Variants in TSNARE1 observed in about 807,000 individuals in gnomAD.
TSNARE1 encodes t-SNARE domain-containing protein 1.
A neutral mutation model predicts 62.0 loss-of-function variants in TSNARE1; 49 were observed. The observed-to-expected ratio is 0.79, with a 90% CI of 0.63 to 1.00. TSNARE1 has a LOEUF of 1.00. Among genes scored for constraint, TSNARE1 ranks in the 50% least tolerant of loss-of-function variants. The pLI, the probability that TSNARE1 is intolerant of heterozygous loss-of-function variation, is 0.00. For synonymous variants in TSNARE1, 328 were observed against 294.4 expected, an observed-to-expected ratio of 1.11 and a Z score of -1.17; for missense variants, 755 against 700.1, an observed-to-expected ratio of 1.08 and a Z score of -0.88.
chr8:142,245,031 C>G (rs771390741), intron 12 of TSNARE1, among the ~76,000 whole-genome samples: 3 of 152,378 alleles, frequency 2.0e-5, no homozygotes. Context: ...GAGGCATGAA[C>G]AGACTTTTCG....
chr8:142,379,253 A>G (rs1430807408), intron 1 of TSNARE1, among the ~76,000 whole-genome samples: 1 of 152,212 alleles, frequency 6.6e-6, no homozygotes, highest in Non-Finnish European at 1.5e-5. Context: ...TCCGTCACGG[A>G]GTAGGCACCA....
intron 12 of TSNARE1, chr8:142,271,446 CT>C: frequency 7.9e-7 from 1 of 1,259,288 alleles, no homozygotes; most frequent in Admixed American, 4.1e-5. Flanking sequence ...GTTTCAGATG[CT>C]GCCGCTGGGG....
intron 1 of TSNARE1, among the ~76,000 whole-genome samples, chr8:142,391,886 C>A (rs570842676): frequency 6.6e-6 from 1 of 152,174 alleles, no homozygotes; most frequent in Non-Finnish European, 1.5e-5. Context: ...GCTGAGTGGG[C>A]GGAACAAGCC....
intron 1 of TSNARE1, among the ~76,000 whole-genome samples, chr8:142,388,215 C>G (rs892142897): frequency 1.3e-5 from 2 of 152,002 alleles, no homozygotes; most frequent in Non-Finnish European, 2.9e-5. Flanking sequence ...AATAATGATT[C>G]TTGATTTTTT....
intron 12 of TSNARE1, among the ~76,000 whole-genome samples, chr8:142,237,160 G>GCT (rs67986030): frequency 9.3e-6 from 1 of 107,744 alleles, no homozygotes; most frequent in African/African-American, 4.1e-5. Context: ...CCCCTCCTGC[G>GCT]GCCCGACTCA....
chr8:142,225,491 T>A (rs960268227), intron 13 of TSNARE1, among the ~76,000 whole-genome samples: 8 of 147,252 alleles, frequency 5.4e-5, no homozygotes, highest in Non-Finnish European at 1.1e-4. Flanking sequence ...TCCATTTCCA[T>A]CTATCTCTCC....
At chr8:142,265,458 A>G (rs955637458) in intron 12 of TSNARE1, among the ~76,000 whole-genome samples, 3 of 152,140 alleles carry the variant, frequency 2.0e-5, no homozygotes, top group Admixed American at 2.0e-4. Context: ...GTAGAACTCC[A>G]CTGTGTGGCC....
chr8:142,270,271 C>T (rs567184658), intron 12 of TSNARE1: 40 of 985,404 alleles, frequency 4.1e-5, no homozygotes, highest in South Asian at 3.3e-4. Context: ...GATCTGAAGA[C>T]GCAGGGAAGT....
chr8:142,296,819 G>A (rs1824838139), intron 10 of TSNARE1, among the ~76,000 whole-genome samples: 1 of 152,048 alleles, frequency 6.6e-6, no homozygotes, highest in African/African-American at 2.4e-5. Context: ...TCCCCAGGAC[G>A]GGGCAGGACA....
chr8:142,281,656 G>A (rs1051921880), intron 11 of TSNARE1, among the ~76,000 whole-genome samples: 2 of 152,040 alleles, frequency 1.3e-5, no homozygotes, highest in African/African-American at 4.8e-5. Flanking sequence ...TAGACCTCAT[G>A]GTGAGGACCT....
chr8:142,286,024 T>C (rs1822684607), intron 10 of TSNARE1, among the ~76,000 whole-genome samples: 1 of 151,874 alleles, frequency 6.6e-6, no homozygotes, highest in Admixed American at 6.5e-5. Flanking sequence ...AGGGGAAGAG[T>C]TGGGATTCAG....
rs1826055991 is a variant in TSNARE1 at position 142,303,194 on chromosome 8, C to A, written c.1132-2550G>T. 3.9e-5 allele frequency among the ~76,000 whole-genome samples: 6 copies of A among 152,186 alleles called. No homozygotes were observed. In the South Asian group the frequency reaches 1.2e-3, roughly 31 times the overall value. On this transcript the variant is annotated intron_variant, in intron 9 of 13. Transcript: ENST00000524325. Reference sequence around the variant, plus strand: ...CTGCCCTTTCCCAAACTGAAAGCTGCCTCACCATGCCATGTAGCTCAGGGT... The same window carrying A: ...CTGCCCTTTCCCAAACTGAAAGCTGACTCACCATGCCATGTAGCTCAGGGT...
chr8:142,318,510 TCCTCC>T (rs1159578607), intron 7 of TSNARE1, 29 bp downstream of exon 7: 10 of 1,596,430 alleles, frequency 6.3e-6, no homozygotes, highest in Non-Finnish European at 7.7e-6. Flanking sequence ...TCCATTCCTC[TCCTCC>T]CTCCCAGCCC....
chr8:142,329,349 T>C (rs1830692408), intron 6 of TSNARE1, among the ~76,000 whole-genome samples: 1 of 152,148 alleles, frequency 6.6e-6, no homozygotes, highest in Non-Finnish European at 1.5e-5. Flanking sequence ...TGGGGTCCCC[T>C]CTCCTCTCCG....
intron 1 of TSNARE1, among the ~76,000 whole-genome samples, chr8:142,393,511 G>T (rs1313138308): frequency 6.6e-6 from 1 of 152,262 alleles, no homozygotes; most frequent in African/African-American, 2.4e-5. Context: ...CACAGGATCT[G>T]TGTATTATTT....
intron 1 of TSNARE1, among the ~76,000 whole-genome samples, chr8:142,399,774 A>C (rs1476932286): frequency 6.6e-6 from 1 of 152,248 alleles, no homozygotes; most frequent in African/African-American, 2.4e-5. Context: ...TGGACGATGC[A>C]CAAATCAGAC....
Position 142,280,263 on chromosome 8 carries a change from G to C in TSNARE1, c.1363+4150C>G, listed in dbSNP as rs1265523818. On this transcript the variant is annotated intron_variant, in intron 11 of 13. Transcript: ENST00000524325. The stretch of plus-strand genomic sequence containing the variant: ...AGCCCGGCCCGGCACCCAGCAGCAG[G>C]GCTGCCGCGGCCGGCTCGGGGCTGC... 4 of 985,214 alleles carry C rather than the reference G, an allele frequency of 4.1e-6. No individual in the cohort carries two copies. In the African/African-American group the frequency reaches 7.0e-5, roughly 17 times the overall value. The allele number at this position is 985,214 out of a possible 1,614,324, so 61.0% of individuals were successfully genotyped here. A position where few individuals can be genotyped will look rare whatever the true frequency, so the allele number is the denominator to read the frequency against.
At chr8:142,294,788 C>A (rs938407624) in intron 10 of TSNARE1, among the ~76,000 whole-genome samples, 2 of 152,244 alleles carry the variant, frequency 1.3e-5, no homozygotes, top group African/African-American at 4.8e-5. Context: ...TGGACACGAC[C>A]TAATTAGATG....
chr8:142,225,162 C>A (rs1816715802), intron 13 of TSNARE1, among the ~76,000 whole-genome samples: 2 of 151,468 alleles, frequency 1.3e-5, no homozygotes, highest in African/African-American at 2.4e-5. Flanking sequence ...CCCCTCCCCC[C>A]AGACCCTCCT....
Sources: allele counts gnomAD v4.1 joint callset (sites outside exome capture counted in the v4.1 genomes callset), GRCh38; gene constraint gnomAD v4.1.1; transcripts MANE v1.5; gene names NCBI Gene and HGNC (gene_info 2026-07-23, HGNC 2026-07-21).